Variants in SSBP2 observed in about 807,000 individuals in gnomAD.
SSBP2 encodes single-stranded DNA-binding protein 2.
In SSBP2, 17 loss-of-function variants were observed where a neutral mutation model predicts 61.8. The observed-to-expected ratio is 0.28, with a 90% CI of 0.19 to 0.41. The LOEUF is 0.41. Among genes scored for constraint, SSBP2 ranks in the 10% least tolerant of loss-of-function variants. SSBP2 has a pLI of 1.00. For synonymous variants in SSBP2, 139 were observed against 141.3 expected (o/e 0.98, Z 0.12); for missense variants, 310 against 458.7 (o/e 0.68, Z 2.96).
intron 1 of SSBP2, among the ~76,000 whole-genome samples, chr5:81,711,075 T>A (rs1754747529): frequency 6.6e-6 from 1 of 152,056 alleles, no homozygotes; most frequent in Non-Finnish European, 1.5e-5. Context: ...CAAATCTGAT[T>A]CTTCCCTTTC....
intron 1 of SSBP2, among the ~76,000 whole-genome samples, chr5:81,744,295 T>C (rs568576733): frequency 6.6e-6 from 1 of 152,352 alleles, no homozygotes; most frequent in East Asian, 1.9e-4. Flanking sequence ...TTTATTTACT[T>C]AGATTTCTTC....
rs979086410 is a variant in SSBP2, at chr5:81,468,860, G to C, written c.571-1819C>G. Among the ~76,000 whole-genome samples the C allele has an allele frequency of 2.6e-4, 40 of 152,088 alleles. 1 individual carries two copies. Among genetic ancestry groups the C allele is most frequent in the Non-Finnish European group, 8.8e-5 (6 of 67,900 alleles). Reference sequence around the variant, plus strand: ...AATAGAATGATTTCTGTTCACACTTGAGACATTGGTTAAAAGGATAGCTAT... The same window carrying C: ...AATAGAATGATTTCTGTTCACACTTCAGACATTGGTTAAAAGGATAGCTAT... On this transcript the variant is annotated intron_variant, in intron 8 of 16. Transcript: ENST00000320672.
In SSBP2 at chr5:81,480,666, A is replaced by G. The variant is rs532682346; in HGVS notation, c.433-6104T>C. ...AGAAATCCACCCGCCTTGGCCTCCC[A>G]AAGTGTTGGGATTACAGGTGTGAGC... On this transcript the variant is annotated intron_variant, in intron 6 of 16. Coordinates refer to ENST00000320672, the MANE Select transcript of SSBP2 (RefSeq NM_012446.5). Among the ~76,000 whole-genome samples the G allele has an allele frequency of 7.2e-5, 11 of 152,310 alleles. No individual in the cohort carries two copies. In the South Asian group the frequency reaches 1.9e-3, roughly 26 times the overall value.
intron 4 of SSBP2, among the ~76,000 whole-genome samples, chr5:81,550,834 C>T (rs1772119337): frequency 6.6e-6 from 1 of 152,156 alleles, no homozygotes. Flanking sequence ...CGGTGGCTCA[C>T]ACCTGTAATC....
chr5:81,717,889 G>A (rs1340430879), intron 1 of SSBP2, among the ~76,000 whole-genome samples: 1 of 152,108 alleles, frequency 6.6e-6, no homozygotes, highest in African/African-American at 2.4e-5. Flanking sequence ...CTACCTAAAA[G>A]GTACCAGAGC....
chr5:81,437,430 C>T lies in SSBP2; in HGVS notation c.957G>A (p.Lys319=). 2 of 1,606,922 alleles carry T rather than the reference C, an allele frequency of 1.2e-6. No homozygotes were observed. Among genetic ancestry groups the T allele is most frequent in the African/African-American group, 2.7e-5 (2 of 74,632 alleles). The stretch of plus-strand genomic sequence containing the variant: ...ACAACACAGAATACACAGCACTCAC[C>T]TTGGAAATACTGTCCATATCTCCTG... The change falls in exon 15 of 17, where the codon AAG becomes AAA. Residue 319 remains lysine (K), a splice_region_variant and synonymous_variant. Transcript: ENST00000320672.
intron 9 of SSBP2, among the ~76,000 whole-genome samples, chr5:81,462,098 G>T (rs1452523233): frequency 6.6e-6 from 1 of 151,996 alleles, no homozygotes; most frequent in Non-Finnish European, 1.5e-5. Context: ...GCTTCCTTGG[G>T]CCACACTGGA....
At chr5:81,675,289 C>T (rs965051259) in intron 1 of SSBP2, among the ~76,000 whole-genome samples, 1 of 152,152 alleles carries the variant, frequency 6.6e-6, no homozygotes, top group African/African-American at 2.4e-5. Context: ...AGTCCCCCAT[C>T]ATCTCCCTTA....
At chr5:81,466,834 T>C in intron 9 of SSBP2, 140 bp downstream of exon 9, 1 of 471,066 alleles carries the variant, frequency 2.1e-6, no homozygotes, top group Non-Finnish European at 3.7e-6. Flanking sequence ...GAGACTGTGG[T>C]GCTCAAATTG....
At chr5:81,605,864 T>C (rs1744832900) in intron 4 of SSBP2, among the ~76,000 whole-genome samples, 1 of 152,058 alleles carries the variant, frequency 6.6e-6, no homozygotes, top group Non-Finnish European at 1.5e-5. Context: ...AGCAGAAATA[T>C]TAGAAGAAAA....
chr5:81,639,662 T>C (rs1748597959), intron 2 of SSBP2, among the ~76,000 whole-genome samples: 1 of 151,958 alleles, frequency 6.6e-6, no homozygotes, highest in Admixed American at 6.6e-5. Context: ...TATGCCTTAG[T>C]TTTTTTAGCT....
rs1244830704 is a variant in SSBP2 at position 81,418,149 on chromosome 5, T to C, written c.*2355A>G. On this transcript the variant is annotated 3_prime_UTR_variant, in exon 17 of 17. Transcript: ENST00000320672. ...CAAAGGACTGTCAATTTTTATATGA[T>C]TGTCATAAAATATGAAAGTCAAAAT... 3.9e-5 allele frequency: 6 copies of C among 152,240 alleles called. No homozygotes were observed. In the East Asian group the frequency reaches 5.8e-4, roughly 15 times the overall value. 9.4% of individuals were successfully genotyped at this position (152,240 alleles called of 1,614,324 possible).
intron 1 of SSBP2, among the ~76,000 whole-genome samples, chr5:81,718,588 G>A (rs894143161): frequency 6.6e-6 from 1 of 152,152 alleles, no homozygotes; most frequent in African/African-American, 2.4e-5. Context: ...GGAAGTTGGT[G>A]GGGGCTGAGG....
At chr5:81,639,689 T>C (rs967731146) in intron 2 of SSBP2, among the ~76,000 whole-genome samples, 4 of 151,972 alleles carry the variant, frequency 2.6e-5, no homozygotes, top group Admixed American at 2.0e-4. Context: ...ATAAAAATTA[T>C]GTAACAATAC....
At chr5:81,632,862 C>T (rs756294467) in intron 3 of SSBP2, among the ~76,000 whole-genome samples, 1 of 152,154 alleles carries the variant, frequency 6.6e-6, no homozygotes, top group African/African-American at 2.4e-5. Context: ...TTTCCCACTT[C>T]CTACCTTCAC....
At chr5:81,486,359 G>C (rs901236588) in intron 6 of SSBP2, among the ~76,000 whole-genome samples, 16 of 152,072 alleles carry the variant, frequency 1.1e-4, no homozygotes, top group African/African-American at 3.6e-4. Context: ...ACGGAACCTA[G>C]GATATGGAAC....
intron 4 of SSBP2, among the ~76,000 whole-genome samples, chr5:81,540,590 G>GT (rs1771187195): frequency 6.6e-6 from 1 of 152,044 alleles, no homozygotes; most frequent in Admixed American, 6.5e-5. Flanking sequence ...TCATGGGGTT[G>GT]TTTTTTTCTC....
intron 1 of SSBP2, among the ~76,000 whole-genome samples, chr5:81,743,218 T>C (rs908769277): frequency 5.9e-5 from 9 of 152,194 alleles, no homozygotes; most frequent in Non-Finnish European, 1.0e-4. Flanking sequence ...GGCTTCTTCA[T>C]CCCAATTTTC....
intron 8 of SSBP2, among the ~76,000 whole-genome samples, chr5:81,470,794 ATGTC>A (rs1000051901): frequency 4.6e-5 from 7 of 152,060 alleles, no homozygotes; most frequent in African/African-American, 1.7e-4. Flanking sequence ...GTATGATTAA[ATGTC>A]TGTTATGAGA....
Sources: allele counts gnomAD v4.1 joint callset (sites outside exome capture counted in the v4.1 genomes callset), GRCh38; gene constraint gnomAD v4.1.1; transcripts MANE v1.5; gene names NCBI Gene and HGNC (gene_info 2026-07-23, HGNC 2026-07-21).